SYNPO2: variants seen among roughly 807,000 people sequenced by gnomAD.
SYNPO2 encodes the protein synaptopodin 2, also known as synaptopodin-2.
A neutral mutation model predicts 85.0 loss-of-function variants in SYNPO2; 56 were observed. The observed-to-expected ratio is 0.66, with a 90% CI of 0.53 to 0.82. The LOEUF is 0.82. Ranked by LOEUF, SYNPO2 falls within the 40% of genes least tolerant of loss-of-function variation. The pLI is 0.00. For missense variants in SYNPO2, 1,575 were observed against 1,534.2 expected (o/e 1.03, Z -0.44); for synonymous variants, 602 against 591.1 (o/e 1.02, Z -0.27).
At chr4:118,885,086 A>T (rs1462998872), upstream of SYNPO2, among the ~76,000 whole-genome samples, 1 of 152,202 alleles carries the variant, frequency 6.6e-6, no homozygotes, top group Admixed American at 6.5e-5. Context: ...AGAAATGCCT[A>T]AGCAGGTGAA....
chr4:119,034,644 CCAAAA>C, intron 4 of SYNPO2: 1 of 985,418 alleles, frequency 1.0e-6, no homozygotes. Flanking sequence ...TGGAAGTTCT[CCAAAA>C]CAATATCCAC....
upstream of SYNPO2, among the ~76,000 whole-genome samples, chr4:118,884,088 G>A (rs1732158777): frequency 1.3e-5 from 2 of 152,184 alleles, no homozygotes; most frequent in African/African-American, 2.4e-5. Context: ...GGGGCACTGA[G>A]CTTAGATAAT....
At chr4:118,989,128 A>G (rs768055286) in intron 1 of SYNPO2, among the ~76,000 whole-genome samples, 1 of 152,230 alleles carries the variant, frequency 6.6e-6, no homozygotes. Context: ...GTTTAAACAC[A>G]GGGCAGTTGA....
Position 118,858,995 on chromosome 4 carries a change from A to G in SYNPO2, c.12+8055A>G, listed in dbSNP as rs80178829. Among the ~76,000 whole-genome samples, 32 of 152,334 alleles carry G rather than the reference A, an allele frequency of 2.1e-4. No homozygotes were observed. The East Asian group carries it at 5.8e-3, about 28-fold the overall frequency. ...GTTATCTAGAAGCATGGGAGGGTGA[A>G]CTTGGCTTTCAATGAAATCTTAGAG... On this transcript the variant is annotated intron_variant, in intron 1 of 4. Transcript: ENST00000610556.
In SYNPO2 at chr4:119,058,132, G is replaced by A. The variant is rs1739277586; in HGVS notation, c.*198G>A. 3 of 422,662 alleles carry A rather than the reference G, an allele frequency of 7.1e-6. No homozygotes were observed. The highest frequency in any genetic ancestry group is 6.2e-4 in the Middle Eastern group (1 of 1,604). 26.2% of individuals were successfully genotyped at this position (422,662 alleles called of 1,614,324 possible). A position where few individuals can be genotyped will look rare whatever the true frequency, so the allele number is the denominator to read the frequency against. On this transcript the variant is annotated 3_prime_UTR_variant, in exon 5 of 5. Transcript: ENST00000307142. ...AATATACACACACACACACACACAG[G>A]TGAGTGTGAATACTTCCTTGTTGGC...
At chr4:119,024,900 G>A (rs1737873893) in intron 2 of SYNPO2, among the ~76,000 whole-genome samples, 1 of 152,114 alleles carries the variant, frequency 6.6e-6, no homozygotes, top group African/African-American at 2.4e-5. Flanking sequence ...ATTGCCCAGA[G>A]ATAGCTCAGT....
intron 1 of SYNPO2, among the ~76,000 whole-genome samples, chr4:118,915,439 C>A (rs189018367): frequency 6.6e-6 from 1 of 152,178 alleles, no homozygotes; most frequent in African/African-American, 2.4e-5. Flanking sequence ...TAAAAGGGTA[C>A]CATGCTGTAT....
chr4:118,993,312 T>C (rs1337945641), intron 1 of SYNPO2, among the ~76,000 whole-genome samples: 1 of 152,220 alleles, frequency 6.6e-6, no homozygotes, highest in Non-Finnish European at 1.5e-5. Context: ...GTAAGCATGA[T>C]GGACGGTGAG....
At chr4:119,024,430 T>C (rs1737856945) in intron 2 of SYNPO2, among the ~76,000 whole-genome samples, 1 of 152,158 alleles carries the variant, frequency 6.6e-6, no homozygotes, top group Non-Finnish European at 1.5e-5. Flanking sequence ...CTCCAGGTTT[T>C]TCCTCAACTC....
chr4:119,007,263 T>TATGTATATATATATATATGTATATAC, intron 1 of SYNPO2, among the ~76,000 whole-genome samples: 1 of 77,784 alleles, frequency 1.3e-5, no homozygotes, highest in East Asian at 4.0e-4. Flanking sequence ...CATATATATA[T>TATGTATATATATATATATGTATATAC]ATATATATAT....
At chr4:119,056,741 A>G (rs1393937684) in intron 4 of SYNPO2, among the ~76,000 whole-genome samples, 1 of 152,196 alleles carries the variant, frequency 6.6e-6, no homozygotes, top group Non-Finnish European at 1.5e-5. Context: ...AATACACTCC[A>G]CTCAGGAAAT....
chr4:118,885,940 A>C (rs1307348458), upstream of SYNPO2, among the ~76,000 whole-genome samples: 2 of 152,240 alleles, frequency 1.3e-5, no homozygotes, highest in African/African-American at 4.8e-5. Context: ...TAGGATTTAA[A>C]GCACTGTTAA....
At chr4:118,964,297 AACACACACACACACACAC>A (rs10523074) in intron 1 of SYNPO2, among the ~76,000 whole-genome samples, 11 of 140,716 alleles carry the variant, frequency 7.8e-5, no homozygotes, top group African/African-American at 1.6e-4. Context: ...AAACACACAC[AACACACACACACACACAC>A]ACACACACAC....
At chr4:118,878,847 A>C (rs1357779667) in intron 1 of SYNPO2, among the ~76,000 whole-genome samples, 3 of 152,236 alleles carry the variant, frequency 2.0e-5, no homozygotes, top group Non-Finnish European at 4.4e-5. Context: ...CACCCCAGCC[A>C]GCAGAGGCAC....
intron 1 of SYNPO2, among the ~76,000 whole-genome samples, chr4:118,957,060 A>T (rs1357419160): frequency 6.6e-6 from 1 of 152,028 alleles, no homozygotes; most frequent in Non-Finnish European, 1.5e-5. Flanking sequence ...AAATAAAAAA[A>T]ATAAAAAAAA....
At chr4:118,956,810 C>T (rs778509936) in intron 1 of SYNPO2, among the ~76,000 whole-genome samples, 38 of 151,916 alleles carry the variant, frequency 2.5e-4, no homozygotes, top group Non-Finnish European at 4.1e-4. Context: ...TTTGGGAGGG[C>T]GAGGTGGGCA....
chr4:118,928,934 C>G (rs1339643357), intron 1 of SYNPO2, among the ~76,000 whole-genome samples: 1 of 152,136 alleles, frequency 6.6e-6, no homozygotes, highest in Admixed American at 6.6e-5. Flanking sequence ...GATTGTAGTA[C>G]TTATAATCTT....
chr4:118,922,851 C>G (rs542530676), intron 1 of SYNPO2, among the ~76,000 whole-genome samples: 1 of 152,024 alleles, frequency 6.6e-6, no homozygotes, highest in Non-Finnish European at 1.5e-5. Context: ...GACAGATATT[C>G]GGCTCCAGTC....
chr4:118,950,401 A>G (rs1464574275), intron 1 of SYNPO2, among the ~76,000 whole-genome samples: 1 of 152,240 alleles, frequency 6.6e-6, no homozygotes, highest in African/African-American at 2.4e-5. Flanking sequence ...CACCAGGGTC[A>G]GTCAGAAGCA....
Sources: gnomAD v4.1 joint callset for allele counts (sites outside exome capture counted in the v4.1 genomes callset) on GRCh38, gnomAD v4.1.1 for gene constraint, MANE v1.5 for transcripts, NCBI Gene and HGNC (gene_info 2026-07-23, HGNC 2026-07-21) for gene names.